PTH2R: variants seen among roughly 807,000 people sequenced by gnomAD.
The protein encoded by PTH2R is PTH2 receptor.
In PTH2R, 59 loss-of-function variants were observed where a neutral mutation model predicts 60.3. That is an observed-to-expected ratio of 0.98 (90% CI 0.79 to 1.22). The LOEUF (loss-of-function observed/expected upper bound fraction) is 1.22. Among genes scored for constraint, PTH2R ranks in the 50% most tolerant of loss-of-function variants. The pLI, the probability that PTH2R is intolerant of heterozygous loss-of-function variation, is 0.00. For synonymous variants in PTH2R, 256 were observed against 243.8 expected, an observed-to-expected ratio of 1.05 and a Z score of -0.47; for missense variants, 749 against 682.6, an observed-to-expected ratio of 1.10 and a Z score of -1.08.
At chr2:208,426,463 A>G (rs1012041881) in intron 1 of PTH2R, among the ~76,000 whole-genome samples, 1 of 152,248 alleles carries the variant, frequency 6.6e-6, no homozygotes, top group Admixed American at 6.5e-5. Context: ...AAAGAAAGCA[A>G]TATAAAAAAC....
rs376434991 is a variant in PTH2R, at chr2:208,465,098, CCTGAG to C, written c.981+5138_981+5142del. On this transcript the variant is annotated intron_variant, in intron 9 of 12. Transcript: ENST00000272847. Reference sequence around the variant, plus strand: ...TCAAGTGATCCTCCTGCCTCAGCCTCCTGAGTAACTAGGACTATAGGCATGTGCCA... The same window carrying C: ...TCAAGTGATCCTCCTGCCTCAGCCTCTAACTAGGACTATAGGCATGTGCCA... Among the ~76,000 whole-genome samples the C allele has an allele frequency of 4.7e-3, 709 of 152,176 alleles. 6 individuals carry two copies. Among genetic ancestry groups the C allele is most frequent in the African/African-American group, 0.016 (661 of 41,518 alleles).
chr2:208,488,335 T>A (rs977181261), intron 10 of PTH2R, among the ~76,000 whole-genome samples: 7 of 151,986 alleles, frequency 4.6e-5, no homozygotes, highest in African/African-American at 1.7e-4. Flanking sequence ...GAGATACAAA[T>A]GTAAGAAGAA....
At chr2:208,453,659 A>T (rs1574887537) in intron 8 of PTH2R, among the ~76,000 whole-genome samples, 1 of 152,300 alleles carries the variant, frequency 6.6e-6, no homozygotes, top group East Asian at 1.9e-4. Context: ...TTAAGCAATG[A>T]TAAAGTTTGA....
At position 208,406,932 on chromosome 2, in the gene PTH2R, T is replaced by A; in HGVS notation, c.-112T>A. ...GTGGCCCGGGCCCGACCACCCCAGC[T>A]GCGCGTCGTTACTGGCCACAAGTTT... On this transcript the variant is annotated 5_prime_UTR_variant, in exon 1 of 13. Coordinates refer to ENST00000272847, the MANE Select transcript of PTH2R (RefSeq NM_005048.4). 1 of 891,722 alleles carries A rather than the reference T, an allele frequency of 1.1e-6. No individual in the cohort carries two copies. The highest frequency in any genetic ancestry group is 3.0e-5 in the East Asian group (1 of 33,664). 55.2% of individuals were successfully genotyped at this position (891,722 alleles called of 1,614,324 possible). A position where few individuals can be genotyped will look rare whatever the true frequency, so the allele number is the denominator to read the frequency against.
chr2:208,405,408 T>C (rs1701384269), upstream of PTH2R, among the ~76,000 whole-genome samples: 1 of 152,208 alleles, frequency 6.6e-6, no homozygotes, highest in South Asian at 2.1e-4. Context: ...CTGATCAAGA[T>C]ATTATAAATT....
rs556244945 is a variant in PTH2R, at chr2:208,391,389, G to A, written c.-259+31152G>A. Among the ~76,000 whole-genome samples, 6 of 152,278 alleles carry A rather than the reference G, an allele frequency of 3.9e-5. No homozygotes were observed. The East Asian group carries it at 1.2e-3, about 29-fold the overall frequency. ...GAGTTTCTTGGGATAATTTTCTGAG[G>A]TGTCTCTTGATAGATAACCCACTGG... On this transcript the variant is annotated intron_variant, in intron 1 of 12. Transcript: ENST00000617735.
intron 8 of PTH2R, among the ~76,000 whole-genome samples, chr2:208,452,716 A>C (rs1043698993): frequency 6.6e-6 from 1 of 152,230 alleles, no homozygotes; most frequent in African/African-American, 2.4e-5. Context: ...GAAAGTAATA[A>C]TGAAAACATT....
intron 1 of PTH2R, among the ~76,000 whole-genome samples, chr2:208,425,042 A>G (rs1219045157): frequency 6.6e-6 from 1 of 152,214 alleles, no homozygotes; most frequent in Non-Finnish European, 1.5e-5. Flanking sequence ...ATTGAGATCA[A>G]TGGACTAAAT....
chr2:208,374,791 C>T (rs1700764310), intron 1 of PTH2R, among the ~76,000 whole-genome samples: 1 of 152,102 alleles, frequency 6.6e-6, no homozygotes, highest in African/African-American at 2.4e-5. Context: ...CAAGCGTGAG[C>T]CACCACGCCC....
chr2:208,392,895 G>A (rs1701132414), intron 1 of PTH2R, among the ~76,000 whole-genome samples: 1 of 152,204 alleles, frequency 6.6e-6, no homozygotes, highest in Non-Finnish European at 1.5e-5. Flanking sequence ...CCATCTCTGA[G>A]ACTGGTTCTG....
At chr2:208,439,722 G>A (rs77645801) in intron 4 of PTH2R, among the ~76,000 whole-genome samples, 1 of 152,064 alleles carries the variant, frequency 6.6e-6, no homozygotes, top group Non-Finnish European at 1.5e-5. Context: ...ATTTTTTAGA[G>A]TGTGATATTT....
At chr2:208,436,011 C>T (rs891705893) in intron 2 of PTH2R, among the ~76,000 whole-genome samples, 3 of 152,166 alleles carry the variant, frequency 2.0e-5, no homozygotes, top group African/African-American at 7.2e-5. Flanking sequence ...TGCAAGAGCA[C>T]AGAGAGTTGA....
At chr2:208,360,532 CT>C in intron 1 of PTH2R, 1 of 157,084 alleles carries the variant, frequency 6.4e-6, no homozygotes, top group Non-Finnish European at 1.4e-5. Context: ...CCCTGCCGCC[CT>C]CTCGCTCGCT....
intron 9 of PTH2R, 59 bp downstream of exon 9, chr2:208,460,020 C>T (rs1373387201): frequency 2.1e-6 from 3 of 1,444,622 alleles, no homozygotes; most frequent in Non-Finnish European, 2.9e-6. Context: ...GCTGCTAAAA[C>T]CCAGAGAAAG....
chr2:208,442,791 C>T (rs529300267), intron 5 of PTH2R, among the ~76,000 whole-genome samples: 2 of 152,256 alleles, frequency 1.3e-5, no homozygotes, highest in Non-Finnish European at 2.9e-5. Flanking sequence ...TAAATAATCT[C>T]CCAAATTATT....
intron 1 of PTH2R, among the ~76,000 whole-genome samples, chr2:208,416,549 TG>T (rs1559213260): frequency 6.6e-6 from 1 of 152,178 alleles, no homozygotes; most frequent in Non-Finnish European, 1.5e-5. Context: ...TGAAATTAGG[TG>T]AACTACTTTT....
At chr2:208,462,650 G>A (rs1042357583) in intron 9 of PTH2R, among the ~76,000 whole-genome samples, 1 of 152,210 alleles carries the variant, frequency 6.6e-6, no homozygotes, top group South Asian at 2.1e-4. Context: ...CCAGAGCTCT[G>A]TAAGCATGAT....
chr2:208,443,430 G>C lies in PTH2R; in HGVS notation c.592G>C (p.Asp198His). The C allele has an allele frequency of 6.2e-7, 1 of 1,613,540 alleles. No individual in the cohort carries two copies. Among genetic ancestry groups the C allele is most frequent in the South Asian group, 1.1e-5 (1 of 90,988 alleles). The change falls in exon 6 of 13, where the codon GAC becomes CAC. Residue 198 changes from aspartate (D) to histidine (H), a missense_variant. Physicochemically the swap from Asp to His is moderately conservative, Grantham distance 81 (BLOSUM62 -1). Transcript: ENST00000272847. ...GAGAGCTACAAGCATCTTTGTCAAA[G>C]ACAGAGTAGTCCATGCTCACATAGG... ...MLRATSIFVKDRVVHAHIGVK... is the reference protein window; with the variant it reads ...MLRATSIFVKHRVVHAHIGVK...
At chr2:208,414,457 A>G (rs1462863713) in intron 1 of PTH2R, among the ~76,000 whole-genome samples, 1 of 152,172 alleles carries the variant, frequency 6.6e-6, no homozygotes, top group Admixed American at 6.6e-5. Context: ...CATTCCTCAT[A>G]GTATTCCCCC....
Sources: allele counts gnomAD v4.1 joint callset (sites outside exome capture counted in the v4.1 genomes callset), GRCh38; gene constraint gnomAD v4.1.1; transcripts MANE v1.5; gene names NCBI Gene and HGNC (gene_info 2026-07-23, HGNC 2026-07-21).